PMEPA1: variants seen among roughly 807,000 people sequenced by gnomAD.
PMEPA1 encodes protein TMEPAI.
A neutral mutation model predicts 23.0 loss-of-function variants in PMEPA1; 11 were observed. The ratio of observed to expected loss-of-function variants is 0.48; its 90% CI spans 0.30 to 0.79. The LOEUF is 0.79. Ranked by LOEUF, PMEPA1 falls within the 30% of genes least tolerant of loss-of-function variation. PMEPA1 has a pLI of 0.06. For synonymous variants in PMEPA1, 204 were observed against 166.4 expected (o/e 1.23, Z -1.74); for missense variants, 377 against 390.9 (o/e 0.96, Z 0.30).
At chr20:57,663,715 G>A (rs1256676722) in intron 1 of PMEPA1, among the ~76,000 whole-genome samples, 3 of 152,216 alleles carry the variant, frequency 2.0e-5, no homozygotes, top group African/African-American at 7.2e-5. Context: ...GTATAGGTGA[G>A]CAGAGGCCGG....
intron 1 of PMEPA1, among the ~76,000 whole-genome samples, chr20:57,705,311 T>C (rs577578496): frequency 7.4e-4 from 113 of 152,362 alleles, no homozygotes; most frequent in African/African-American, 2.7e-3. Flanking sequence ...TGAGGCCAAC[T>C]GTCTGACCTA....
chr20:57,690,665 T>C, intron 1 of PMEPA1: 2 of 950,776 alleles, frequency 2.1e-6, no homozygotes, highest in Non-Finnish European at 2.8e-6. Context: ...GCTTGGGCTC[T>C]GTCCTGGGAA....
At chr20:57,669,799 G>A (rs1209551391) in intron 1 of PMEPA1, among the ~76,000 whole-genome samples, 1 of 152,076 alleles carries the variant, frequency 6.6e-6, no homozygotes, top group Non-Finnish European at 1.5e-5. Context: ...AGACACCAGG[G>A]GACATCCCTT....
intron 3 of PMEPA1, 25 bp downstream of exon 3, chr20:57,653,008 G>A: frequency 1.9e-6 from 3 of 1,583,666 alleles, no homozygotes; most frequent in Non-Finnish European, 2.6e-6. Context: ...GGGGGTGTTG[G>A]AGGGGAGGCC....
At chr20:57,698,524 T>C (rs1465483273) in intron 1 of PMEPA1, among the ~76,000 whole-genome samples, 1 of 152,120 alleles carries the variant, frequency 6.6e-6, no homozygotes, top group Non-Finnish European at 1.5e-5. Flanking sequence ...AATTACAAAG[T>C]AGAAAGAAAA....
chr20:57,662,917 G>A (rs916855038), intron 1 of PMEPA1, among the ~76,000 whole-genome samples: 6 of 152,250 alleles, frequency 3.9e-5, no homozygotes, highest in African/African-American at 1.4e-4. Context: ...CAGGGCCGGT[G>A]GGATGCAGGG....
chr20:57,657,223 C>A (rs1261488965), intron 2 of PMEPA1, among the ~76,000 whole-genome samples: 1 of 152,170 alleles, frequency 6.6e-6, no homozygotes, highest in Non-Finnish European at 1.5e-5. Context: ...AGCTTCAACC[C>A]ACTGTGGAGA....
At chr20:57,675,490 G>A (rs1011660583) in intron 1 of PMEPA1, among the ~76,000 whole-genome samples, 3 of 152,216 alleles carry the variant, frequency 2.0e-5, no homozygotes, top group Non-Finnish European at 2.9e-5. Context: ...CTAGCCTGGC[G>A]CTTGGCTCAT....
intron 1 of PMEPA1, among the ~76,000 whole-genome samples, chr20:57,664,693 C>T (rs765304928): frequency 5.3e-5 from 8 of 152,204 alleles, no homozygotes; most frequent in Non-Finnish European, 7.3e-5. Flanking sequence ...CAACGCGAGG[C>T]GGAAGGAGAG....
At chr20:57,654,942 C>T (rs2071305764) in intron 2 of PMEPA1, among the ~76,000 whole-genome samples, 1 of 151,180 alleles carries the variant, frequency 6.6e-6, no homozygotes, top group Non-Finnish European at 1.5e-5. Context: ...TCCCTCATGC[C>T]CCCCACCCCA....
At chr20:57,708,954 G>A (rs1324753874) in intron 1 of PMEPA1, among the ~76,000 whole-genome samples, 1 of 151,788 alleles carries the variant, frequency 6.6e-6, no homozygotes, top group African/African-American at 2.4e-5. Context: ...GACCCAGACA[G>A]AGCCACGCAG....
Position 57,682,006 on chromosome 20 carries a change from C to T in PMEPA1, c.110-22309G>A, listed in dbSNP as rs926475242. Among the ~76,000 whole-genome samples the T allele has an allele frequency of 2.6e-5, 4 of 152,326 alleles. No homozygotes were observed. The highest frequency in any genetic ancestry group is 7.2e-5 in the African/African-American group (3 of 41,572). On this transcript the variant is annotated intron_variant, in intron 1 of 3. Coordinates refer to ENST00000341744, the MANE Select transcript of PMEPA1 (RefSeq NM_020182.5). The surrounding 1 kb of genome is among the most constrained non-coding windows in gnomAD (Gnocchi z 4.4). ...TGTGACACTGTCGAATCTCCTCCTC[C>T]GTTCAGTATCTGACTCTGTTTCCCA...
rs1568962043 is a variant in PMEPA1 at position 57,656,586 on chromosome 20, G to A, written c.264+2957C>T. On this transcript the variant is annotated intron_variant, in intron 2 of 3. Coordinates refer to ENST00000341744, the MANE Select transcript of PMEPA1 (RefSeq NM_020182.5). The surrounding 1 kb of genome is among the most constrained non-coding windows in gnomAD (Gnocchi z 4.7). ...CGAATACCCTCGGAGCAGCGCCAGG[G>A]TGGAAGTGCCATCCCTGGTCGAGGG... 6.6e-6 allele frequency among the ~76,000 whole-genome samples: 1 copy of A among 152,162 alleles called. No homozygotes were observed.
At chr20:57,703,668 CATGGGCCCCAG>C (rs2072040560) in intron 1 of PMEPA1, among the ~76,000 whole-genome samples, 1 of 152,224 alleles carries the variant, frequency 6.6e-6, no homozygotes, top group Non-Finnish European at 1.5e-5. Context: ...TGTTCAAGGC[CATGGGCCCCAG>C]ATGGGCCTGT....
intron 1 of PMEPA1, among the ~76,000 whole-genome samples, chr20:57,673,048 G>A (rs1168666375): frequency 6.6e-6 from 1 of 152,196 alleles, no homozygotes; most frequent in East Asian, 1.9e-4. Flanking sequence ...CAGTAAGAGG[G>A]CTGCTCCCTG....
chr20:57,698,815 G>A (rs4811904), intron 1 of PMEPA1, among the ~76,000 whole-genome samples: 106,850 of 151,486 alleles, frequency 0.71, 38,523 homozygotes, highest in East Asian at 0.98. Context: ...ACATATAGAG[G>A]CACACACACA....
At chr20:57,673,773 T>C (rs550908189) in intron 1 of PMEPA1, among the ~76,000 whole-genome samples, 1 of 152,336 alleles carries the variant, frequency 6.6e-6, no homozygotes, top group Admixed American at 6.5e-5. Flanking sequence ...GCCAAGCTAC[T>C]ACCTCCAGAG....
At position 57,652,234 on chromosome 20, in the gene PMEPA1, G is replaced by C; in HGVS notation, c.683C>G (p.Pro228Arg). 1 of 1,607,184 alleles carries C rather than the reference G, an allele frequency of 6.2e-7. No individual in the cohort carries two copies. The highest frequency in any genetic ancestry group is 1.7e-5 in the Admixed American group (1 of 59,854). The stretch of plus-strand genomic sequence containing the variant: ...GATGACCTCGCTGTAGGTGGGCGGC[G>C]GCCCCTCCATGCGCCCGCCGCTGCC... ...CYGSGGRMEGPPPTYSEVIGH... is the reference protein window; with the variant it reads ...CYGSGGRMEGRPPTYSEVIGH... Residue 228 changes from proline (P) to arginine (R), a missense_variant, in exon 4 of 4, where the codon CCG becomes CGG. By Grantham distance (103) the Pro-to-Arg change is moderately radical. Transcript: ENST00000341744. The surrounding 1 kb of genome is among the most constrained non-coding windows in gnomAD (Gnocchi z 6.1).
At chr20:57,659,897 G>A (rs970671230) in intron 1 of PMEPA1, among the ~76,000 whole-genome samples, 200 bp from the exon 2 acceptor site, 4 of 152,236 alleles carry the variant, frequency 2.6e-5, no homozygotes, top group African/African-American at 9.6e-5. Flanking sequence ...CTCTCACGGC[G>A]GAGGAGGGGG....
Sources: gnomAD v4.1 joint callset for allele counts (sites outside exome capture counted in the v4.1 genomes callset) on GRCh38, gnomAD v4.1.1 for gene constraint, Gnocchi (gnomAD v3.1) non-coding constraint, MANE v1.5 for transcripts, NCBI Gene and HGNC (gene_info 2026-07-23, HGNC 2026-07-21) for gene names.